IL34: variants seen among roughly 807,000 people sequenced by gnomAD.
IL34 encodes interleukin-34.
In IL34, 17 loss-of-function variants were observed where a neutral mutation model predicts 25.3. That is an observed-to-expected ratio of 0.67 (90% CI 0.46 to 1.01). The LOEUF (loss-of-function observed/expected upper bound fraction) is 1.01, where lower values mean the gene tolerates loss of function less well. Ranked by LOEUF, IL34 falls within the 50% of genes least tolerant of loss-of-function variation. The probability of loss-of-function intolerance (pLI) is 0.00; values close to 1 mark genes in which losing one functional copy is unlikely to be tolerated. For missense variants in IL34, 368 were observed against 312.9 expected, an observed-to-expected ratio of 1.18 and a Z score of -1.33; for synonymous variants, 174 against 140.9, an observed-to-expected ratio of 1.23 and a Z score of -1.66.
At chr16:70,581,189 G>A (rs2050632460) in intron 1 of IL34, among the ~76,000 whole-genome samples, 1 of 152,160 alleles carries the variant, frequency 6.6e-6, no homozygotes, top group African/African-American at 2.4e-5. Flanking sequence ...TGGGATTACA[G>A]GCGTGAGCCA....
At chr16:70,591,312 T>A (rs1254772872) in intron 1 of IL34, among the ~76,000 whole-genome samples, 1 of 152,102 alleles carries the variant, frequency 6.6e-6, no homozygotes. Context: ...ATGGCAGTGA[T>A]CCAGTGCCCT....
At chr16:70,621,945 G>A (rs1021967447) in intron 1 of IL34, among the ~76,000 whole-genome samples, 6 of 152,064 alleles carry the variant, frequency 3.9e-5, no homozygotes, top group East Asian at 1.9e-4. Flanking sequence ...ATCAGTTAAG[G>A]GGGGGCAGGG....
At chr16:70,625,617 G>T (rs935230833) in intron 1 of IL34, among the ~76,000 whole-genome samples, 3 of 152,094 alleles carry the variant, frequency 2.0e-5, no homozygotes, top group Non-Finnish European at 4.4e-5. Flanking sequence ...CCTTTGAAAC[G>T]TGGGTGAATA....
At chr16:70,631,907 T>C (rs1308214301) in intron 1 of IL34, among the ~76,000 whole-genome samples, 1 of 149,244 alleles carries the variant, frequency 6.7e-6, no homozygotes, top group African/African-American at 2.5e-5. Flanking sequence ...CTGGGTACCA[T>C]GGCAAAACCC....
chr16:70,644,923 G>GGAA, upstream of IL34, among the ~76,000 whole-genome samples: 1 of 74,944 alleles, frequency 1.3e-5, no homozygotes, highest in East Asian at 3.7e-4. Flanking sequence ...AGGAGAAGGA[G>GGAA]GAGGAAGGAG....
chr16:70,647,085 G>A (rs930625549), intron 1 of IL34, 110 bp downstream of exon 1: 41 of 1,001,144 alleles, frequency 4.1e-5, no homozygotes, highest in Non-Finnish European at 5.5e-5. Context: ...AAGTTGCGAT[G>A]CTTCCCAGCC....
At position 70,616,484 on chromosome 16, in the gene IL34, C is replaced by T. The variant is rs142953542; in HGVS notation, c.-400-30064C>T. Among the ~76,000 whole-genome samples, 798 of 151,890 alleles carry T rather than the reference C, an allele frequency of 5.3e-3. 2 individuals carry two copies. Among genetic ancestry groups the T allele is most frequent in the South Asian group, 0.018 (85 of 4,792 alleles). On this transcript the variant is annotated intron_variant, in intron 1 of 6. Transcript: ENST00000429149. ...TAAGGCCTATGTATTTTTCTATGACCGTCTTACTCATATTGTTTTGCTTAT... is the reference window on the plus strand; with the variant it reads ...TAAGGCCTATGTATTTTTCTATGACTGTCTTACTCATATTGTTTTGCTTAT...
intron 1 of IL34, among the ~76,000 whole-genome samples, chr16:70,650,820 C>G (rs540365191): frequency 7.2e-5 from 11 of 152,162 alleles, no homozygotes; most frequent in Non-Finnish European, 1.5e-4. Flanking sequence ...TTAACGAGCT[C>G]TGCAAGGGAT....
intron 1 of IL34, among the ~76,000 whole-genome samples, chr16:70,587,993 C>T (rs895929304): frequency 8.6e-5 from 13 of 151,906 alleles, no homozygotes; most frequent in Non-Finnish European, 1.9e-4. Flanking sequence ...GAGCAGAGGT[C>T]GCGCCACTGC....
intron 1 of IL34, among the ~76,000 whole-genome samples, chr16:70,613,538 C>A (rs1323994346): frequency 6.6e-6 from 1 of 152,152 alleles, no homozygotes; most frequent in Non-Finnish European, 1.5e-5. Flanking sequence ...AAAGTGTGGT[C>A]TGCAGACCAG....
At chr16:70,621,888 G>T (rs12925625) in intron 1 of IL34, among the ~76,000 whole-genome samples, 2 of 151,636 alleles carry the variant, frequency 1.3e-5, no homozygotes, top group African/African-American at 4.8e-5. Context: ...AATGTCATCA[G>T]TTAAGGCAAG....
At chr16:70,581,501 C>T (rs983618386) in intron 1 of IL34, among the ~76,000 whole-genome samples, 1 of 151,178 alleles carries the variant, frequency 6.6e-6, no homozygotes. Context: ...AGGGCAAGAA[C>T]ATTTTTGAAG....
intron 1 of IL34, among the ~76,000 whole-genome samples, chr16:70,648,101 T>A (rs371370341): frequency 7.0e-4 from 107 of 152,210 alleles, no homozygotes; most frequent in Admixed American, 6.5e-4. Context: ...TCCCTCCCCA[T>A]AGCAGGCAGC....
At chr16:70,651,842 C>T (rs920148679) in intron 1 of IL34, among the ~76,000 whole-genome samples, 1 of 151,852 alleles carries the variant, frequency 6.6e-6, no homozygotes, top group African/African-American at 2.4e-5. Context: ...AAAAAATGTC[C>T]TGGGTGGGTG....
chr16:70,586,966 G>A (rs1489953446), intron 1 of IL34, among the ~76,000 whole-genome samples: 3 of 152,188 alleles, frequency 2.0e-5, no homozygotes, highest in East Asian at 1.9e-4. Context: ...AAGATGTTGC[G>A]GGCTCATTTG....
chr16:70,639,783 G>A (rs890929471), intron 1 of IL34, among the ~76,000 whole-genome samples: 2 of 152,106 alleles, frequency 1.3e-5, no homozygotes, highest in African/African-American at 4.8e-5. Flanking sequence ...GTGAGACCCT[G>A]TCTCTACAAA....
chr16:70,656,483 C>A, intron 2 of IL34, 119 bp from the exon 3 acceptor site: 1 of 735,576 alleles, frequency 1.4e-6, no homozygotes, highest in Non-Finnish European at 2.5e-6. Context: ...GCTGCCCCTG[C>A]ACTCCATACT....
At chr16:70,631,802 T>C (rs2051523986) in intron 1 of IL34, among the ~76,000 whole-genome samples, 1 of 152,178 alleles carries the variant, frequency 6.6e-6, no homozygotes, top group South Asian at 2.1e-4. Flanking sequence ...TACTGTTGTG[T>C]GTAACCTCAG....
chr16:70,639,684 G>A (rs1258438607), intron 1 of IL34, among the ~76,000 whole-genome samples: 6 of 152,152 alleles, frequency 3.9e-5, no homozygotes, highest in Non-Finnish European at 8.8e-5. Flanking sequence ...TCCAGGCGTG[G>A]TGACTCACGC....
Sources: allele counts gnomAD v4.1 joint callset (sites outside exome capture counted in the v4.1 genomes callset), GRCh38; gene constraint gnomAD v4.1.1; transcripts MANE v1.5; gene names NCBI Gene and HGNC (gene_info 2026-07-23, HGNC 2026-07-21).